SLCO1A2: variants seen among roughly 807,000 people sequenced by gnomAD.
SLCO1A2 encodes the protein solute carrier organic anion transporter family member 1A2.
In SLCO1A2, 67 loss-of-function variants were observed where a neutral mutation model predicts 69.0. That is an observed-to-expected ratio of 0.97 (90% CI 0.80 to 1.19). The LOEUF (loss-of-function observed/expected upper bound fraction) is 1.19, where lower values mean the gene tolerates loss of function less well. SLCO1A2 is among the 50% of genes most tolerant of loss of function. The pLI, the probability that SLCO1A2 is intolerant of heterozygous loss-of-function variation, is 0.00. For missense variants in SLCO1A2, 787 were observed against 793.7 expected (o/e 0.99, Z 0.10); for synonymous variants, 260 against 265.9 (o/e 0.98, Z 0.22).
intron 2 of SLCO1A2, among the ~76,000 whole-genome samples, chr12:21,362,259 A>T (rs1244913782): frequency 6.6e-6 from 1 of 152,172 alleles, no homozygotes; most frequent in African/African-American, 2.4e-5. Context: ...ATTCTTAAAG[A>T]AAAGAATTTT....
chr12:21,270,968 C>T (rs1465859989), intron 14 of SLCO1A2, among the ~76,000 whole-genome samples: 2 of 151,596 alleles, frequency 1.3e-5, no homozygotes, highest in Non-Finnish European at 3.0e-5. Context: ...TTAATTTCTT[C>T]ATCTATTTTT....
intron 2 of SLCO1A2, chr12:21,324,505 T>A (rs1952048197): frequency 6.6e-6 from 1 of 152,184 alleles, no homozygotes; most frequent in Admixed American, 6.5e-5. Context: ...GGTAAAATAA[T>A]CAGTGTCTCC....
At chr12:21,337,069 A>G (rs1045004653), upstream of SLCO1A2, among the ~76,000 whole-genome samples, 1 of 151,986 alleles carries the variant, frequency 6.6e-6, no homozygotes, top group African/African-American at 2.4e-5. Flanking sequence ...TTTGATTGGG[A>G]TTTTAAAAAA....
In SLCO1A2 at chr12:21,301,180, C is replaced by T; in HGVS notation, c.679G>A (p.Val227Met). The part of the protein sequence containing the change: ...CANVYVDTGF[V>M]NTDDLIITPT... ...GATTTTATTGAATTACCTGTGTTCA[C>T]AAATCCAGTGTCAACATAAACATTT... The change falls in exon 7 of 15, where the codon GTG becomes ATG. Residue 227 changes from valine to methionine, a missense_variant. Val to Met is a conservative substitution (Grantham distance 21, BLOSUM62 1). Coordinates refer to ENST00000683939, the MANE Select transcript of SLCO1A2 (RefSeq NM_001386879.1). 6.2e-7 allele frequency: 1 copy of T among 1,609,648 alleles called. No individual in the cohort carries two copies. The highest frequency in any genetic ancestry group is 8.5e-7 in the Non-Finnish European group (1 of 1,177,016).
intron 2 of SLCO1A2, among the ~76,000 whole-genome samples, chr12:21,366,397 CG>C (rs952253973): frequency 3.1e-4 from 5 of 16,350 alleles, no homozygotes; most frequent in East Asian, 2.7e-3. Flanking sequence ...ACGGGCCTGC[CG>C]GGGGGTGGGC....
intron 12 of SLCO1A2, among the ~76,000 whole-genome samples, chr12:21,279,058 CA>C (rs1944357454): frequency 6.6e-6 from 1 of 151,656 alleles, no homozygotes; most frequent in South Asian, 2.1e-4. Flanking sequence ...AATGCAATGA[CA>C]TACTAAAGAA....
chr12:21,287,029 G>T (rs1205789709), intron 12 of SLCO1A2, among the ~76,000 whole-genome samples: 1 of 129,406 alleles, frequency 7.7e-6, no homozygotes, highest in African/African-American at 2.9e-5. Context: ...TTAAACTAAA[G>T]AGCTTCTGCA....
chr12:21,331,633 A>C (rs1207451988), intron 2 of SLCO1A2, among the ~76,000 whole-genome samples: 2 of 148,512 alleles, frequency 1.3e-5, no homozygotes, highest in East Asian at 2.0e-4. Flanking sequence ...AAAAAAAAAA[A>C]CCCAACTCAG....
chr12:21,416,279 C>G (rs558052966), intron 1 of SLCO1A2, among the ~76,000 whole-genome samples: 1 of 151,316 alleles, frequency 6.6e-6, no homozygotes, highest in East Asian at 1.9e-4. Flanking sequence ...GGAAGGAAGA[C>G]CAGACTTCAT....
intron 1 of SLCO1A2, among the ~76,000 whole-genome samples, chr12:21,414,833 A>G (rs1941964814): frequency 1.3e-5 from 2 of 152,122 alleles, no homozygotes; most frequent in Admixed American, 1.3e-4. Context: ...ATTTGCATTC[A>G]AGTATTTTAA....
At chr12:21,335,764 A>T (rs998575724), upstream of SLCO1A2, among the ~76,000 whole-genome samples, 2 of 152,114 alleles carry the variant, frequency 1.3e-5, no homozygotes, top group Non-Finnish European at 2.9e-5. Context: ...CTGCACTATT[A>T]TGTTTGAGTT....
At chr12:21,272,256 A>C (rs957534108) in intron 14 of SLCO1A2, among the ~76,000 whole-genome samples, 4 of 151,862 alleles carry the variant, frequency 2.6e-5, no homozygotes, top group African/African-American at 9.7e-5. Flanking sequence ...CATACAGATT[A>C]TATATGTTTA....
chr12:21,328,069 A>G (rs1375470921), intron 2 of SLCO1A2, among the ~76,000 whole-genome samples: 1 of 152,156 alleles, frequency 6.6e-6, no homozygotes, highest in East Asian at 1.9e-4. Flanking sequence ...TAATGGTTTT[A>G]TAAAAGGCAG....
At chr12:21,291,417 A>G (rs964357971) in intron 12 of SLCO1A2, among the ~76,000 whole-genome samples, 7 of 152,198 alleles carry the variant, frequency 4.6e-5, no homozygotes, top group East Asian at 1.9e-4. Context: ...AAATAAATGA[A>G]GTAAAATAAG....
Position 21,300,328 on chromosome 12 carries a change from T to C in SLCO1A2, c.910+20A>G, listed in dbSNP as rs1322953158. On this transcript the variant is annotated intron_variant, in intron 8 of 14. Coordinates refer to ENST00000683939, the MANE Select transcript of SLCO1A2 (RefSeq NM_001386879.1). The stretch of plus-strand genomic sequence containing the variant: ...GAAATAAAAGGTCAATTTCATAGTA[T>C]TTAGAATATGTATATTTGCCTTTAG... 3 of 1,522,180 alleles carry C rather than the reference T, an allele frequency of 2.0e-6. No homozygotes were observed. The highest frequency in any genetic ancestry group is 2.7e-6 in the Non-Finnish European group (3 of 1,101,670). The allele number at this position is 1,522,180 out of a possible 1,614,324, so 94.3% of individuals were successfully genotyped here.
chr12:21,394,523 C>G (rs1555130400), intron 1 of SLCO1A2, among the ~76,000 whole-genome samples: 2 of 147,548 alleles, frequency 1.4e-5, no homozygotes, highest in African/African-American at 2.5e-5. Context: ...GCCTGGGTGA[C>G]AGAGAGAGAC....
intron 12 of SLCO1A2, among the ~76,000 whole-genome samples, chr12:21,283,271 C>G (rs1945142728): frequency 6.6e-6 from 1 of 152,080 alleles, no homozygotes; most frequent in Non-Finnish European, 1.5e-5. Context: ...ATCCATTCAT[C>G]TATGGTGAAC....
At position 21,274,515 on chromosome 12, in the gene SLCO1A2, AT is replaced by A. The variant is rs1248728863; in HGVS notation, c.1746del (p.Lys582AsnfsTer27). On this transcript the variant is annotated frameshift_variant, in exon 14 of 15. Coordinates refer to ENST00000683939, the MANE Select transcript of SLCO1A2 (RefSeq NM_001386879.1). LOFTEE classifies it low-confidence loss of function (END_TRUNC). ...ATCCTGCATGCCCCTGACTCACCACATTTCAAAGTTCCCCAGTGTAAACATG... is the reference window on the plus strand; with the variant it reads ...ATCCTGCATGCCCCTGACTCACCACATTCAAAGTTCCCCAGTGTAAACATG... The part of the protein sequence containing the change: ...DSTCLHWGTL[K>X]CGESGACRIY... The A allele has an allele frequency of 6.2e-7, 1 of 1,613,688 alleles. No homozygotes were observed. The highest frequency in any genetic ancestry group is 1.7e-5 in the Admixed American group (1 of 59,976).
chr12:21,292,589 A>G (rs1294398259), intron 11 of SLCO1A2, among the ~76,000 whole-genome samples: 1 of 151,848 alleles, frequency 6.6e-6, no homozygotes, highest in Admixed American at 6.6e-5. Context: ...CTTTTTTATT[A>G]TTTTATTTAT....
Sources: gnomAD v4.1 joint callset for allele counts (sites outside exome capture counted in the v4.1 genomes callset) on GRCh38, gnomAD v4.1.1 for gene constraint, MANE v1.5 for transcripts, NCBI Gene and HGNC (gene_info 2026-07-23, HGNC 2026-07-21) for gene names.